The following PLEKHA5 variants were observed in gnomAD, a reference collection of about 807,000 sequenced individuals.
PLEKHA5 encodes pleckstrin homology domain-containing family A member 5.
PLEKHA5 carries 55 observed loss-of-function variants against 181.9 expected under a neutral mutation model. The observed-to-expected ratio is 0.30, with a 90% CI of 0.24 to 0.38. The LOEUF (loss-of-function observed/expected upper bound fraction) is 0.38. PLEKHA5 is among the 10% of genes least tolerant of loss of function. PLEKHA5 has a pLI of 1.00. For synonymous variants in PLEKHA5, 535 were observed against 529.4 expected (o/e 1.01, Z -0.15); for missense variants, 1,432 against 1,549.5 (o/e 0.92, Z 1.27).
intron 3 of PLEKHA5, among the ~76,000 whole-genome samples, chr12:19,204,609 T>G (rs2054958900): frequency 6.6e-6 from 1 of 152,132 alleles, no homozygotes; most frequent in Non-Finnish European, 1.5e-5. Context: ...TTATAAAACT[T>G]TTTCTCAAAC....
Position 19,231,578 on chromosome 12 carries a change from A to G in PLEKHA5, c.228-22362A>G, listed in dbSNP as rs377025782. Reference sequence around the variant, plus strand: ...TTTATATATGTACACATATATATGTATATATATTTATATATGTACACATAT... The same window carrying G: ...TTTATATATGTACACATATATATGTGTATATATTTATATATGTACACATAT... On this transcript the variant is annotated intron_variant, in intron 3 of 31. Transcript: ENST00000429027. 1.4e-4 allele frequency among the ~76,000 whole-genome samples: 18 copies of G among 132,204 alleles called. 1 individual carries two copies. Among genetic ancestry groups the G allele is most frequent in the African/African-American group, 3.5e-4 (12 of 33,830 alleles). The allele number at this position is 132,204 out of a possible 152,430, so 86.7% of individuals were successfully genotyped here. A position where few individuals can be genotyped will look rare whatever the true frequency, so the allele number is the denominator to read the frequency against.
chr12:19,164,197 G>GTTTTTT lies in PLEKHA5; in HGVS notation c.227+31761_227+31766dup, dbSNP rs59712166. ...CACTTCTTGCTCTCCAGATGTTTTT[G>GTTTTTT]TTTTTTTTTTTTTTTTTTTGAGATG... is the stretch of plus-strand genomic sequence containing the variant. On this transcript the variant is annotated intron_variant, in intron 3 of 31. Transcript: ENST00000429027. Among the ~76,000 whole-genome samples, 32 of 92,808 alleles carry GTTTTTT rather than the reference G, an allele frequency of 3.4e-4. 1 individual carries two copies. Among genetic ancestry groups the GTTTTTT allele is most frequent in the Middle Eastern group, 6.5e-3 (1 of 154 alleles). 60.9% of individuals were successfully genotyped at this position (92,808 alleles called of 152,430 possible). A position where few individuals can be genotyped will look rare whatever the true frequency, so the allele number is the denominator to read the frequency against.
At chr12:19,357,948 T>G (rs987337416) in intron 26 of PLEKHA5, among the ~76,000 whole-genome samples, 1 of 152,156 alleles carries the variant, frequency 6.6e-6, no homozygotes, top group Non-Finnish European at 1.5e-5. Flanking sequence ...TCCATATTTT[T>G]TTTTTAAGCC....
intron 18 of PLEKHA5, chr12:19,321,694 C>G (rs904457657): frequency 1.3e-5 from 2 of 151,496 alleles, no homozygotes; most frequent in Non-Finnish European, 1.5e-5. Context: ...TTTTTAACAC[C>G]TTTCATTTTG....
At chr12:19,170,511 T>C (rs894852986) in intron 3 of PLEKHA5, among the ~76,000 whole-genome samples, 1 of 151,830 alleles carries the variant, frequency 6.6e-6, no homozygotes, top group Non-Finnish European at 1.5e-5. Flanking sequence ...CTGCAACCTC[T>C]GCCTCCTGGG....
chr12:19,272,235 A>G (rs575501810), intron 10 of PLEKHA5, among the ~76,000 whole-genome samples: 1 of 152,248 alleles, frequency 6.6e-6, no homozygotes, highest in African/African-American at 2.4e-5. Flanking sequence ...TTTTCATTTT[A>G]TATATCTCAG....
rs2153231102 is a variant in PLEKHA5 at position 19,359,499 on chromosome 12, G to A, written c.3436G>A (p.Val1146Ile). 1 of 1,613,918 alleles carries A rather than the reference G, an allele frequency of 6.2e-7. No individual in the cohort carries two copies. Among genetic ancestry groups the A allele is most frequent in the Non-Finnish European group, 8.5e-7 (1 of 1,179,880 alleles). ...CCATGAAACTCCTGCAACAGAAATT[G>A]TTCAACTAAAAGAAACCGAACCCCA... The part of the protein sequence containing the change: ...PDHETPATEI[V>I]QLKETEPQNV... The change falls in exon 28 of 32, where the codon GTT (valine) becomes ATT (isoleucine). Residue 1146 changes from valine (V) to isoleucine (I), a missense_variant. Val to Ile is a conservative substitution (Grantham distance 29, BLOSUM62 3). Around this residue, in one of 2 missense-constraint regions of PLEKHA5, gnomAD observed 1,143 missense variants for 1,168.4 expected, o/e 0.98. Transcript: ENST00000429027.
At chr12:19,140,623 A>C (rs746337553) in intron 3 of PLEKHA5, among the ~76,000 whole-genome samples, 1 of 152,294 alleles carries the variant, frequency 6.6e-6, no homozygotes, top group East Asian at 1.9e-4. Context: ...TGTAATAGAC[A>C]ATTAGGTGTT....
In PLEKHA5 at chr12:19,274,891, C is replaced by T. The variant is rs150691984; in HGVS notation, c.1221C>T (p.Ala407=). The change falls in exon 11 of 32, where the codon GCC becomes GCT. Residue 407 remains alanine, a synonymous_variant. Coordinates refer to ENST00000429027, the MANE Select transcript of PLEKHA5 (RefSeq NM_001256470.2). The part of the protein sequence containing the change: ...RPNTGPLYTE[A]DRVIQRTNSM... ...ATACAGGGCCCTTATACACAGAGGC[C>T]GATCGAGTCATACAGAGAACAAATT... 35 of 1,613,794 alleles carry T rather than the reference C, an allele frequency of 2.2e-5. No homozygotes were observed. The African/African-American group carries it at 2.8e-4, about 13-fold the overall frequency.
intron 26 of PLEKHA5, among the ~76,000 whole-genome samples, chr12:19,356,911 G>A (rs1454687885): frequency 2.1e-4 from 32 of 151,938 alleles, no homozygotes; most frequent in Admixed American, 2.0e-3. Flanking sequence ...TGCCTGCCTC[G>A]GCCTTCCAAA....
intron 15 of PLEKHA5, among the ~76,000 whole-genome samples, chr12:19,294,755 T>C (rs2079318745): frequency 2.0e-5 from 3 of 152,162 alleles, no homozygotes; most frequent in Admixed American, 2.0e-4. Flanking sequence ...CTGGAATGTT[T>C]AATAACAAAT....
chr12:19,183,603 G>T (rs1484881403), intron 3 of PLEKHA5, among the ~76,000 whole-genome samples: 2 of 152,222 alleles, frequency 1.3e-5, no homozygotes, highest in African/African-American at 4.8e-5. Flanking sequence ...GGGTTTCAAT[G>T]ATTGAGTTAG....
At chr12:19,291,186 T>C (rs1339939401) in intron 14 of PLEKHA5, among the ~76,000 whole-genome samples, 1 of 152,208 alleles carries the variant, frequency 6.6e-6, no homozygotes, top group African/African-American at 2.4e-5. Context: ...AAAAATTCAT[T>C]ATAGCTTTAA....
chr12:19,373,584 G>C (rs1025315526), intron 31 of PLEKHA5: 1 of 151,500 alleles, frequency 6.6e-6, no homozygotes, highest in Non-Finnish European at 1.5e-5. Context: ...CAGGAGAATC[G>C]CTTGAACCCA....
At chr12:19,273,200 C>T (rs1335023918) in intron 10 of PLEKHA5, among the ~76,000 whole-genome samples, 1 of 152,138 alleles carries the variant, frequency 6.6e-6, no homozygotes, top group African/African-American at 2.4e-5. Flanking sequence ...TCAGTGGCCA[C>T]ACCTGGCCAA....
chr12:19,272,553 A>AC (rs924186865), intron 10 of PLEKHA5, among the ~76,000 whole-genome samples: 10 of 152,204 alleles, frequency 6.6e-5, no homozygotes, highest in African/African-American at 2.2e-4. Flanking sequence ...AACCTAGGTG[A>AC]CCAGTGAGAC....
intron 3 of PLEKHA5, among the ~76,000 whole-genome samples, chr12:19,253,063 C>CTTTT (rs1314175368): frequency 3.8e-5 from 2 of 51,990 alleles, no homozygotes; most frequent in Non-Finnish European, 1.1e-4. Context: ...AATCAACTTA[C>CTTTT]CTTTTTTTTT....
intron 29 of PLEKHA5, among the ~76,000 whole-genome samples, chr12:19,364,526 A>G (rs576256001): frequency 1.4e-4 from 22 of 152,068 alleles, no homozygotes; most frequent in South Asian, 1.2e-3. Flanking sequence ...AAAAATATAT[A>G]TGTGTCATTG....
chr12:19,214,051 T>G (rs2057475788), intron 3 of PLEKHA5, among the ~76,000 whole-genome samples: 1 of 152,204 alleles, frequency 6.6e-6, no homozygotes, highest in African/African-American at 2.4e-5. Flanking sequence ...TATTGAATGA[T>G]AAGGTTAATA....
Sources: gnomAD v4.1 joint callset for allele counts (sites outside exome capture counted in the v4.1 genomes callset) on GRCh38, gnomAD v4.1.1 for gene constraint, gnomAD v4.1.1 regional missense constraint, MANE v1.5 for transcripts, NCBI Gene and HGNC (gene_info 2026-07-23, HGNC 2026-07-21) for gene names.